Variants in NEK10 observed in about 807,000 individuals in gnomAD.
NEK10 encodes the protein serine/threonine-protein kinase Nek10.
NEK10 carries 122 observed loss-of-function variants against 159.8 expected under a neutral mutation model. That is an observed-to-expected ratio of 0.76 (90% CI 0.66 to 0.89). NEK10 has a LOEUF of 0.89. Ranked by LOEUF, NEK10 falls within the 40% of genes least tolerant of loss-of-function variation. NEK10 has a pLI of 0.00. For missense variants in NEK10, 1,342 were observed against 1,323.1 expected, an observed-to-expected ratio of 1.01 and a Z score of -0.22; for synonymous variants, 466 against 457.1, an observed-to-expected ratio of 1.02 and a Z score of -0.25.
chr3:27,173,132 T>C (rs1197936368), intron 28 of NEK10, among the ~76,000 whole-genome samples: 1 of 152,216 alleles, frequency 6.6e-6, no homozygotes, highest in Non-Finnish European at 1.5e-5. Context: ...TTGTTATTTA[T>C]TTGTCAGGTT....
At chr3:27,251,167 T>A (rs1955622142) in intron 23 of NEK10, among the ~76,000 whole-genome samples, 1 of 152,128 alleles carries the variant, frequency 6.6e-6, no homozygotes, top group South Asian at 2.1e-4. Flanking sequence ...ACAGAAAAAT[T>A]CAATCATTTA....
At chr3:27,153,302 A>G (rs1292873146) in intron 30 of NEK10, among the ~76,000 whole-genome samples, 2 of 150,646 alleles carry the variant, frequency 1.3e-5, no homozygotes, top group East Asian at 1.9e-4. Context: ...CCTGGGCGAC[A>G]GAGCGAGACT....
At position 27,141,508 on chromosome 3, in the gene NEK10, G is replaced by T; in HGVS notation, c.2944C>A (p.Leu982Met). ...TGTGTGATATAGATTATTTTGTGCA[G>T]CTGAATTAATATCTGCTGAATAGGA... ...SDPIQQILIQ[L>M]HKIIYITQLP... Residue 982 changes from leucine to methionine, a missense_variant, in exon 31 of 36, where the codon CTG becomes ATG. Coordinates refer to ENST00000691995, the MANE Select transcript of NEK10 (RefSeq NM_001394966.1). 6.2e-7 allele frequency: 1 copy of T among 1,612,912 alleles called. No homozygotes were observed. Among genetic ancestry groups the T allele is most frequent in the Non-Finnish European group, 8.5e-7 (1 of 1,179,200 alleles).
chr3:27,168,571 T>C (rs1946681757), intron 29 of NEK10, among the ~76,000 whole-genome samples: 1 of 152,202 alleles, frequency 6.6e-6, no homozygotes, highest in Admixed American at 6.5e-5. Context: ...TAATTTTCTC[T>C]CCTCTTATTT....
intron 26 of NEK10, among the ~76,000 whole-genome samples, chr3:27,175,346 AC>A (rs1465900255): frequency 6.6e-6 from 1 of 152,152 alleles, no homozygotes; most frequent in African/African-American, 2.4e-5. Context: ...TTGGGACTCT[AC>A]ACTACTGCCT....
intron 3 of NEK10, among the ~76,000 whole-genome samples, chr3:27,347,792 G>C (rs1223502260): frequency 3.3e-5 from 5 of 152,136 alleles, no homozygotes; most frequent in Admixed American, 2.0e-4. Context: ...TAGTGGTTAA[G>C]AGAACAAATT....
intron 5 of NEK10, among the ~76,000 whole-genome samples, chr3:27,330,046 T>C (rs1336417044): frequency 1.3e-5 from 2 of 152,152 alleles, no homozygotes; most frequent in Non-Finnish European, 2.9e-5. Context: ...TGTAAGTACT[T>C]TTTATTGTTG....
At chr3:27,318,396 C>G (rs1358698563) in intron 6 of NEK10, among the ~76,000 whole-genome samples, 2 of 152,172 alleles carry the variant, frequency 1.3e-5, no homozygotes, top group Non-Finnish European at 2.9e-5. Flanking sequence ...TTGCTGTTCT[C>G]AAAGTTTTGG....
chr3:27,144,873 C>T (rs911284870), intron 30 of NEK10, among the ~76,000 whole-genome samples: 1 of 152,106 alleles, frequency 6.6e-6, no homozygotes, highest in African/African-American at 2.4e-5. Context: ...AGGCATGCAC[C>T]ACCACACTTG....
At chr3:27,350,495 A>G (rs2047889982) in intron 3 of NEK10, among the ~76,000 whole-genome samples, 1 of 152,228 alleles carries the variant, frequency 6.6e-6, no homozygotes, top group African/African-American at 2.4e-5. Context: ...TTACAAATGA[A>G]TGAAACTTTT....
chr3:27,309,608 C>T (rs1456300631), intron 9 of NEK10: 1 of 152,094 alleles, frequency 6.6e-6, no homozygotes, highest in African/African-American at 2.4e-5. Context: ...TTCCATGTGC[C>T]CAAGTATTCT....
At chr3:27,343,243 C>G (rs966863451) in intron 5 of NEK10, among the ~76,000 whole-genome samples, 2 of 152,154 alleles carry the variant, frequency 1.3e-5, no homozygotes, top group Non-Finnish European at 2.9e-5. Flanking sequence ...ATGACCCCAT[C>G]TAAAAGATGG....
At chr3:27,144,846 C>T (rs779026237) in intron 30 of NEK10, among the ~76,000 whole-genome samples, 39 of 152,222 alleles carry the variant, frequency 2.6e-4, no homozygotes, top group Admixed American at 3.9e-4. Context: ...CTCAGCCTCC[C>T]GTGTAGCTGG....
chr3:27,134,167 G>A (rs571162605), intron 31 of NEK10, among the ~76,000 whole-genome samples: 69 of 152,276 alleles, frequency 4.5e-4, no homozygotes, highest in African/African-American at 1.6e-3. Context: ...TGATATATGT[G>A]TGTGAGAGAG....
At chr3:27,188,924 G>A (rs191723649) in intron 26 of NEK10, among the ~76,000 whole-genome samples, 95 of 152,282 alleles carry the variant, frequency 6.2e-4, no homozygotes, top group Admixed American at 1.1e-3. Flanking sequence ...GATCGAAAGG[G>A]TAATGATTCT....
At chr3:27,114,997 A>G (rs1016823990) in intron 35 of NEK10, among the ~76,000 whole-genome samples, 5 of 152,206 alleles carry the variant, frequency 3.3e-5, no homozygotes, top group African/African-American at 4.8e-5. Context: ...AAGAAATTCA[A>G]TAATGGAATA....
rs777366537 is a variant in NEK10 at position 27,304,742 on chromosome 3, C to G, written c.1028+5G>C. 2 of 1,602,152 alleles carry G rather than the reference C, an allele frequency of 1.2e-6. No individual in the cohort carries two copies. Among genetic ancestry groups the G allele is most frequent in the Non-Finnish European group, 1.7e-6 (2 of 1,169,240 alleles). On this transcript the variant is annotated splice_donor_5th_base_variant and intron_variant, in intron 12 of 35. Coordinates refer to ENST00000691995, the MANE Select transcript of NEK10 (RefSeq NM_001394966.1). Reference sequence around the variant, plus strand: ...CAAAGTAGGCCAAAGCCCACTTTTACTCACCCTTGTAAAATATGAAGAAGC... The same window carrying G: ...CAAAGTAGGCCAAAGCCCACTTTTAGTCACCCTTGTAAAATATGAAGAAGC...
chr3:27,211,029 G>A (rs375111183), intron 23 of NEK10, among the ~76,000 whole-genome samples: 4 of 152,194 alleles, frequency 2.6e-5, no homozygotes, highest in Non-Finnish European at 4.4e-5. Flanking sequence ...AGAAGAGACT[G>A]ACACTGCATT....
chr3:27,179,165 T>C (rs749464570), intron 26 of NEK10, among the ~76,000 whole-genome samples: 11 of 152,124 alleles, frequency 7.2e-5, no homozygotes, highest in Non-Finnish European at 1.3e-4. Flanking sequence ...AAGAGAGCAA[T>C]AGTTAAATCT....
Sources: allele counts gnomAD v4.1 joint callset (sites outside exome capture counted in the v4.1 genomes callset), GRCh38; gene constraint gnomAD v4.1.1; transcripts MANE v1.5; gene names NCBI Gene and HGNC (gene_info 2026-07-23, HGNC 2026-07-21).